The following ZNF469 variants were observed in gnomAD, a reference collection of about 807,000 sequenced individuals.
ZNF469 encodes zinc finger protein 469.
ZNF469 carries 1 observed loss-of-function variant against 1.0 expected under a neutral mutation model. The ratio of observed to expected loss-of-function variants is 1.00; its 90% confidence interval spans 0.35 to 4.73. The LOEUF (loss-of-function observed/expected upper bound fraction) is 4.73. ZNF469 is among the 30% of genes most tolerant of loss of function. ZNF469 has a pLI of 0.16. For synonymous variants in ZNF469, 2,703 were observed against 2,363.4 expected (o/e 1.14, Z -4.17); for missense variants, 6,100 against 5,356.3 (o/e 1.14, Z -4.33).
At chr16:88,353,009 G>T in the ZNF469 span, among the ~76,000 whole-genome samples, 1,502 of 152,298 alleles carry the variant, frequency 9.9e-3, 12 homozygotes, top group Non-Finnish European at 0.014. Flanking sequence ...CAAGTTGGGG[G>T]CGCCCAGGCA....
rs568553875 is a variant in ZNF469, at chr16:88,431,389, G to A, written c.3919G>A (p.Gly1307Ser). The A allele has an allele frequency of 7.7e-5, 119 of 1,550,014 alleles. No individual in the cohort carries two copies. The highest frequency in any genetic ancestry group is 1.7e-4 in the Middle Eastern group (1 of 6,014). ...GVGSLLGGPGGTQAPVSHNSK... is the reference protein window; with the variant it reads ...GVGSLLGGPGSTQAPVSHNSK... Reference sequence around the variant, plus strand: ...GGGCAGCCTGCTGGGTGGTCCTGGGGGCACACAGGCCCCAGTCTCCCACAA... The same window carrying A: ...GGGCAGCCTGCTGGGTGGTCCTGGGAGCACACAGGCCCCAGTCTCCCACAA... Residue 1307 changes from glycine (G) to serine (S), a missense_variant, in exon 3 of 3, where the codon GGC (glycine) becomes AGC (serine). Gly to Ser is a moderately conservative substitution (Grantham distance 56). Transcript: ENST00000565624.
At chr16:88,105,026 G>A in the ZNF469 span, among the ~76,000 whole-genome samples, 2 of 152,118 alleles carry the variant, frequency 1.3e-5, no homozygotes, top group Non-Finnish European at 2.9e-5. Context: ...GACCAGCCTG[G>A]GCAATACAGT....
chr16:88,196,456 C>G, the ZNF469 span, among the ~76,000 whole-genome samples: 1 of 152,190 alleles, frequency 6.6e-6, no homozygotes, highest in Non-Finnish European at 1.5e-5. Context: ...ACCCCCACCT[C>G]AAGACATGTC....
At chr16:88,342,918 C>T in the ZNF469 span, among the ~76,000 whole-genome samples, 3 of 152,330 alleles carry the variant, frequency 2.0e-5, no homozygotes, top group Non-Finnish European at 4.4e-5. Flanking sequence ...GGTAACCCTC[C>T]CTCACCTGGA....
chr16:88,173,306 T>C, the ZNF469 span, among the ~76,000 whole-genome samples: 3 of 152,296 alleles, frequency 2.0e-5, no homozygotes, highest in African/African-American at 7.2e-5. Context: ...CAGAAGGCCA[T>C]GGGAAGACAT....
the ZNF469 span, among the ~76,000 whole-genome samples, chr16:88,186,567 C>T: frequency 6.6e-6 from 1 of 152,112 alleles, no homozygotes; most frequent in Non-Finnish European, 1.5e-5. Context: ...AGAGGGGACC[C>T]GCAGGGACGA....
the ZNF469 span, among the ~76,000 whole-genome samples, chr16:88,155,066 C>G: frequency 6.6e-6 from 1 of 152,194 alleles, no homozygotes; most frequent in South Asian, 2.1e-4. Flanking sequence ...ACCAGCAGAC[C>G]CGGGCACCAC....
the ZNF469 span, among the ~76,000 whole-genome samples, chr16:88,220,530 C>T: frequency 1.7e-4 from 26 of 152,262 alleles, no homozygotes; most frequent in African/African-American, 5.8e-4. Flanking sequence ...GGGGGTGAAC[C>T]GGGTGCTCTC....
At position 88,433,910 on chromosome 16, in the gene ZNF469, G is replaced by C. The variant is rs763917433; in HGVS notation, c.6440G>C (p.Gly2147Ala). The change falls in exon 3 of 3, where the codon GGG becomes GCG. Residue 2147 changes from glycine to alanine, a missense_variant. By Grantham distance (60) the Gly-to-Ala change is moderately conservative. Transcript: ENST00000565624. Reference sequence around the variant, plus strand: ...CCTTCCAGGGCCCAAGGTGGGCTGGGGGGGCAGCTGCCAGCATCTCCGTCC... The same window carrying C: ...CCTTCCAGGGCCCAAGGTGGGCTGGCGGGGCAGCTGCCAGCATCTCCGTCC... ...TSPSRAQGGL[G>A]GQLPASPSCR... is the part of the protein sequence containing the mutation. 1.9e-6 allele frequency: 3 copies of C among 1,549,368 alleles called. No individual in the cohort carries two copies. The highest frequency in any genetic ancestry group is 2.6e-6 in the Non-Finnish European group (3 of 1,146,314).
chr16:88,101,528 C>T, the ZNF469 span, among the ~76,000 whole-genome samples: 3 of 146,622 alleles, frequency 2.0e-5, no homozygotes, highest in African/African-American at 7.5e-5. Context: ...TGTTGTTAAA[C>T]GTGCATCTCA....
chr16:88,328,214 A>T, the ZNF469 span, among the ~76,000 whole-genome samples: 3 of 152,332 alleles, frequency 2.0e-5, no homozygotes, highest in African/African-American at 7.2e-5. Context: ...CAGGCCGGAC[A>T]CTTCAGTCTT....
chr16:88,250,980 C>T, the ZNF469 span, among the ~76,000 whole-genome samples: 31 of 152,250 alleles, frequency 2.0e-4, no homozygotes, highest in Admixed American at 1.5e-3. Flanking sequence ...CGGGTTCAAG[C>T]GATTCTCCTG....
At position 88,428,635 on chromosome 16, in the gene ZNF469, G is replaced by A; in HGVS notation, c.1165G>A (p.Asp389Asn). ...TCCCGAAAGACCACCTTCAGCCCAG[G>A]ATGGGCTGGGGAGCACGAGAGGGCC... ...ILPERPPSAQ[D>N]GLGSTRGPPS... Residue 389 changes from aspartate (D) to asparagine (N), a missense_variant, in exon 3 of 3, where the codon GAT becomes AAT. Coordinates refer to ENST00000565624, the MANE Select transcript of ZNF469 (RefSeq NM_001367624.2). The A allele has an allele frequency of 6.5e-7, 1 of 1,550,186 alleles. No individual in the cohort carries two copies. Among genetic ancestry groups the A allele is most frequent in the South Asian group, 1.2e-5 (1 of 84,066 alleles).
At chr16:88,392,657 C>T (rs1904524075) in intron 1 of ZNF469, among the ~76,000 whole-genome samples, 1 of 152,208 alleles carries the variant, frequency 6.6e-6, no homozygotes, top group Non-Finnish European at 1.5e-5. Flanking sequence ...ATCTCTTTGT[C>T]CCTAGATGCT....
chr16:88,213,760 C>T, the ZNF469 span, among the ~76,000 whole-genome samples: 5 of 152,174 alleles, frequency 3.3e-5, no homozygotes, highest in Admixed American at 6.5e-5. Flanking sequence ...TCCACACTTA[C>T]TGTGGCCTTG....
At chr16:88,200,545 C>T in the ZNF469 span, among the ~76,000 whole-genome samples, 3 of 152,246 alleles carry the variant, frequency 2.0e-5, no homozygotes, top group African/African-American at 4.8e-5. Flanking sequence ...CGGTCTGCAA[C>T]CAGAGAAGGC....
intron 1 of ZNF469, among the ~76,000 whole-genome samples, chr16:88,410,018 A>T (rs1311367567): frequency 6.6e-6 from 1 of 150,990 alleles, no homozygotes; most frequent in Non-Finnish European, 1.5e-5. Context: ...CCAGTGGACG[A>T]TGAGAGTCAG....
the ZNF469 span, among the ~76,000 whole-genome samples, chr16:88,311,831 G>A: frequency 6.6e-6 from 1 of 152,182 alleles, no homozygotes; most frequent in Non-Finnish European, 1.5e-5. Flanking sequence ...CAATGATATA[G>A]CCTGGGGCTT....
intron 1 of ZNF469, among the ~76,000 whole-genome samples, chr16:88,414,067 G>T (rs1037864589): frequency 1.3e-5 from 2 of 152,188 alleles, no homozygotes; most frequent in Non-Finnish European, 2.9e-5. Context: ...TCGGGTCTGG[G>T]ACTCCCTGAA....
Sources: gnomAD v4.1 joint callset for allele counts (sites outside exome capture counted in the v4.1 genomes callset) on GRCh38, gnomAD v4.1.1 for gene constraint, MANE v1.5 for transcripts, NCBI Gene and HGNC (gene_info 2026-07-23, HGNC 2026-07-21) for gene names.